The following RYR2 variants were observed in gnomAD, a reference collection of about 807,000 sequenced individuals.
The protein encoded by RYR2 is cardiac muscle ryanodine receptor-calcium release channel.
A neutral mutation model predicts 601.1 loss-of-function variants in RYR2; 227 were observed. That is an observed-to-expected ratio of 0.38 (90% CI 0.34 to 0.42). The LOEUF is 0.42. Among genes scored for constraint, RYR2 ranks in the 10% least tolerant of loss-of-function variants. The pLI is 1.00. For synonymous variants in RYR2, 2,223 were observed against 2,175.1 expected (o/e 1.02, Z -0.61); for missense variants, 4,646 against 6,156.5 (o/e 0.75, Z 8.21).
chr1:237,424,613 T>A (rs912764565), intron 12 of RYR2, among the ~76,000 whole-genome samples: 11 of 152,334 alleles, frequency 7.2e-5, no homozygotes, highest in Admixed American at 2.6e-4. Context: ...CAATACTGGA[T>A]TAGGTTTAAA....
chr1:237,599,666 C>CA, intron 34 of RYR2, among the ~76,000 whole-genome samples: 1 of 151,792 alleles, frequency 6.6e-6, no homozygotes, highest in East Asian at 1.9e-4. Flanking sequence ...ACTAAAAATA[C>CA]AAAAAAATTA....
chr1:237,172,595 G>A (rs1010184210), intron 1 of RYR2, among the ~76,000 whole-genome samples: 3 of 152,086 alleles, frequency 2.0e-5, no homozygotes, highest in Non-Finnish European at 2.9e-5. Flanking sequence ...GGTAAAAAGA[G>A]ATGCAGAAAG....
intron 87 of RYR2, among the ~76,000 whole-genome samples, chr1:237,775,548 G>GTATTGCT (rs149009743): frequency 0.042 from 6,457 of 152,078 alleles, 428 homozygotes; most frequent in African/African-American, 0.15. Context: ...ACAGCATTGC[G>GTATTGCT]TATTGCTTTA....
chr1:237,622,190 C>G (rs1466273952), intron 38 of RYR2, among the ~76,000 whole-genome samples: 1 of 152,090 alleles, frequency 6.6e-6, no homozygotes, highest in Non-Finnish European at 1.5e-5. Flanking sequence ...GGGAAAGCAT[C>G]TTTCTCTTCC....
intron 17 of RYR2, among the ~76,000 whole-genome samples, chr1:237,484,835 A>G (rs1350785703): frequency 6.6e-6 from 1 of 152,178 alleles, no homozygotes; most frequent in Non-Finnish European, 1.5e-5. Context: ...AATATTCTCT[A>G]CCCATCACAG....
Position 237,589,853 on chromosome 1 carries a change from A to T in RYR2, c.3659A>T (p.Asp1220Val). The T allele has an allele frequency of 6.2e-7, 1 of 1,613,850 alleles. No individual in the cohort carries two copies. The highest frequency in any genetic ancestry group is 8.5e-7 in the Non-Finnish European group (1 of 1,179,878). The stretch of plus-strand genomic sequence containing the variant: ...GTGGGTAGGATGAACTTTGGAAAGG[A>T]TGTCAGCACCTTGAAATATTTCACC... ...AQVGRMNFGK[D>V]VSTLKYFTIC... The change falls in exon 30 of 105, where the codon GAT (aspartate) becomes GTT (valine). Residue 1220 changes from aspartate to valine, a missense_variant. Coordinates refer to ENST00000366574, the MANE Select transcript of RYR2 (RefSeq NM_001035.3).
chr1:237,337,924 A>G (rs1697407027), intron 3 of RYR2, among the ~76,000 whole-genome samples: 1 of 152,212 alleles, frequency 6.6e-6, no homozygotes, highest in East Asian at 1.9e-4. Context: ...TCACAAGTCT[A>G]AAATCAATCT....
At chr1:237,416,637 G>A (rs1183736905) in intron 10 of RYR2, among the ~76,000 whole-genome samples, 1 of 151,940 alleles carries the variant, frequency 6.6e-6, no homozygotes, top group Non-Finnish European at 1.5e-5. Context: ...ATATACATAT[G>A]TTGAAATAAT....
intron 17 of RYR2, among the ~76,000 whole-genome samples, chr1:237,479,496 T>C (rs1661794312): frequency 2.7e-5 from 4 of 149,132 alleles, no homozygotes; most frequent in Admixed American, 2.6e-4. Flanking sequence ...GCTGATGCTA[T>C]GCTCAGTTTA....
chr1:237,643,417 A>C lies in RYR2; in HGVS notation c.7312A>C (p.Ile2438Leu), dbSNP rs755072769. The change falls in exon 48 of 105, where the codon ATC becomes CTC. Residue 2438 changes from isoleucine (I) to leucine (L), a missense_variant. Ile to Leu is a conservative substitution (Grantham distance 5). Coordinates refer to ENST00000366574, the MANE Select transcript of RYR2 (RefSeq NM_001035.3). ...GGGAGATTTGGTGGGCGTTATCAGC[A>C]TCGCTTTTCAGATGCCAACAATAGC... ...PLGDLVGVIS[I>L]AFQMPTIAKD... 6.2e-7 allele frequency: 1 copy of C among 1,613,940 alleles called. No individual in the cohort carries two copies. The highest frequency in any genetic ancestry group is 1.3e-5 in the African/African-American group (1 of 75,046).
At position 237,446,216 on chromosome 1, in the gene RYR2, A is replaced by C. The variant is rs537427882; in HGVS notation, c.1292+694A>C. Among the ~76,000 whole-genome samples the C allele has an allele frequency of 6.6e-5, 10 of 152,222 alleles. No homozygotes were observed. The East Asian group carries it at 1.9e-3, about 29-fold the overall frequency. On this transcript the variant is annotated intron_variant, in intron 14 of 104. Coordinates refer to ENST00000366574, the MANE Select transcript of RYR2 (RefSeq NM_001035.3). ...CATAAGAACTGTTCTTCCACCTAAT[A>C]ATTGCATATCTATAGACTAAATTAA...
At chr1:237,801,733 C>A (rs1574012262) in intron 97 of RYR2, 123 bp from the exon 98 acceptor site, 1 of 536,908 alleles carries the variant, frequency 1.9e-6, no homozygotes, top group East Asian at 2.8e-5. Flanking sequence ...TGGGATAGAA[C>A]TCGTTTCCCA....
At chr1:237,676,226 A>G (rs1462046603) in intron 60 of RYR2, among the ~76,000 whole-genome samples, 1 of 152,190 alleles carries the variant, frequency 6.6e-6, no homozygotes, top group East Asian at 1.9e-4. Context: ...GGAGAAAGGA[A>G]CAAGAAAGTC....
chr1:237,639,796 T>C (rs1681272469), intron 46 of RYR2, among the ~76,000 whole-genome samples: 1 of 152,088 alleles, frequency 6.6e-6, no homozygotes. Context: ...TAGGTGAATG[T>C]CCTCCAGCGG....
At chr1:237,495,811 C>T (rs1558918592) in intron 19 of RYR2, among the ~76,000 whole-genome samples, 1 of 152,188 alleles carries the variant, frequency 6.6e-6, no homozygotes, top group Non-Finnish European at 1.5e-5. Context: ...GAAAATTTCT[C>T]CATGTCCGGA....
chr1:237,134,094 C>G (rs1672492117), intron 1 of RYR2, among the ~76,000 whole-genome samples: 1 of 152,158 alleles, frequency 6.6e-6, no homozygotes, highest in South Asian at 2.1e-4. Context: ...GCTGATCTGA[C>G]TGATCCAGCA....
intron 84 of RYR2, among the ~76,000 whole-genome samples, chr1:237,763,185 A>G (rs1558364388): frequency 6.6e-6 from 1 of 152,164 alleles, no homozygotes; most frequent in African/African-American, 2.4e-5. Context: ...ACATTTTCGG[A>G]TTGGTTTTGT....
chr1:237,820,731 C>T (rs911295308), intron 101 of RYR2, among the ~76,000 whole-genome samples: 12 of 152,122 alleles, frequency 7.9e-5, no homozygotes, highest in African/African-American at 2.2e-4. Flanking sequence ...TCTGGCTTGG[C>T]GGGTCCCACC....
chr1:237,466,042 T>A (rs1276670092), intron 16 of RYR2, among the ~76,000 whole-genome samples: 1 of 152,204 alleles, frequency 6.6e-6, no homozygotes, highest in African/African-American at 2.4e-5. Flanking sequence ...TGTTTAGATG[T>A]TTTCCCTTCT....
Sources: allele counts gnomAD v4.1 joint callset (sites outside exome capture counted in the v4.1 genomes callset), GRCh38; gene constraint gnomAD v4.1.1; transcripts MANE v1.5; gene names NCBI Gene and HGNC (gene_info 2026-07-23, HGNC 2026-07-21).